SNX32: variants seen among roughly 807,000 people sequenced by gnomAD.
The protein encoded by SNX32 is sorting nexin-32.
A neutral mutation model predicts 57.0 loss-of-function variants in SNX32; 58 were observed. That is an observed-to-expected ratio of 1.02 (90% CI 0.82 to 1.27). The LOEUF (loss-of-function observed/expected upper bound fraction) is 1.27, where lower values mean the gene tolerates loss of function less well. Ranked by LOEUF, SNX32 falls within the 50% of genes most tolerant of loss-of-function variation. The pLI, the probability that SNX32 is intolerant of heterozygous loss-of-function variation, is 0.00. For synonymous variants in SNX32, 262 were observed against 220.4 expected, an observed-to-expected ratio of 1.19 and a Z score of -1.67; for missense variants, 589 against 541.2, an observed-to-expected ratio of 1.09 and a Z score of -0.88.
intron 9 of SNX32, among the ~76,000 whole-genome samples, 189 bp downstream of exon 9, chr11:65,851,868 T>A (rs371049510): frequency 2.0e-5 from 3 of 152,036 alleles, no homozygotes; most frequent in African/African-American, 7.3e-5. Context: ...GCTTCGTGTG[T>A]GTGTTGGGGG....
intron 1 of SNX32, among the ~76,000 whole-genome samples, chr11:65,842,721 G>A (rs1033999503): frequency 6.6e-6 from 1 of 151,162 alleles, no homozygotes; most frequent in African/African-American, 2.4e-5. Context: ...AGAACAAGGG[G>A]GGGTGGATCG....
intron 1 of SNX32, 129 bp downstream of exon 1, chr11:65,834,230 CTG>C: frequency 4.9e-6 from 5 of 1,018,648 alleles, no homozygotes; most frequent in Non-Finnish European, 7.3e-6. Context: ...CTGTGTGTGT[CTG>C]TGTGTGTATA....
At chr11:65,852,832 T>C (rs754281950) in intron 11 of SNX32, 41 bp from the exon 12 acceptor site, 1 of 1,613,288 alleles carries the variant, frequency 6.2e-7, no homozygotes, top group Non-Finnish European at 8.5e-7. Flanking sequence ...CCACATGCCC[T>C]GCCCTGCCCG....
intron 1 of SNX32, among the ~76,000 whole-genome samples, chr11:65,838,049 G>A (rs1194166144): frequency 7.2e-5 from 11 of 151,808 alleles, no homozygotes; most frequent in East Asian, 1.9e-4. Flanking sequence ...CCAGCTACTC[G>A]GGAGGCTGAG....
chr11:65,842,722 G>T (rs1461441137), intron 1 of SNX32, among the ~76,000 whole-genome samples: 1 of 150,994 alleles, frequency 6.6e-6, no homozygotes, highest in Non-Finnish European at 1.5e-5. Context: ...GAACAAGGGG[G>T]GGTGGATCGC....
chr11:65,850,573 C>T lies in SNX32; in HGVS notation c.498+19C>T, dbSNP rs1280672369. The T allele has an allele frequency of 5.0e-6, 8 of 1,592,260 alleles. No individual in the cohort carries two copies. Among genetic ancestry groups the T allele is most frequent in the Non-Finnish European group, 6.8e-6 (8 of 1,169,012 alleles). On this transcript the variant is annotated intron_variant, in intron 5 of 12. Coordinates refer to ENST00000308342, the MANE Select transcript of SNX32 (RefSeq NM_152760.3). Reference sequence around the variant, plus strand: ...ACAGGATGTGAGCTGGGCCGAATCCCTGGGGTCACCCTTGGGCCAGGAGTC... The same window carrying T: ...ACAGGATGTGAGCTGGGCCGAATCCTTGGGGTCACCCTTGGGCCAGGAGTC...
chr11:65,847,818 G>C (rs927072340), intron 1 of SNX32, among the ~76,000 whole-genome samples: 1 of 151,890 alleles, frequency 6.6e-6, no homozygotes, highest in Non-Finnish European at 1.5e-5. Flanking sequence ...GCTGAGGCAA[G>C]AGAATTGCTT....
chr11:65,834,036 A>C lies in SNX32; in HGVS notation c.-30A>C. ...GGACGACCTGCGGGAGCACGCGGGCAGTGGCCGGACGCTGAAGCCCAGGAG... is the reference window on the plus strand; with the variant it reads ...GGACGACCTGCGGGAGCACGCGGGCCGTGGCCGGACGCTGAAGCCCAGGAG... On this transcript the variant is annotated 5_prime_UTR_variant, in exon 1 of 13. Transcript: ENST00000308342. 1 of 1,548,950 alleles carries C rather than the reference A, an allele frequency of 6.5e-7. No individual in the cohort carries two copies. Among genetic ancestry groups the C allele is most frequent in the Non-Finnish European group, 8.7e-7 (1 of 1,145,626 alleles).
chr11:65,851,069 C>T lies in SNX32; in HGVS notation c.618C>T (p.Phe206=), dbSNP rs1859171211. The T allele has an allele frequency of 6.2e-7, 1 of 1,614,116 alleles. No individual in the cohort carries two copies. The highest frequency in any genetic ancestry group is 8.5e-7 in the Non-Finnish European group (1 of 1,179,972). ...GGCTCCCTTAGGAGGTGGATGACTT[C>T]TTTGAGCATGAGAGGACCTTCCTGT... ...GMSGLKEVDD[F]FEHERTFLLE... is the part of the protein sequence containing the mutation. The change falls in exon 7 of 13, where the codon TTC becomes TTT. Residue 206 remains phenylalanine, a synonymous_variant. Transcript: ENST00000308342.
At position 65,852,859 on chromosome 11, in the gene SNX32, C is replaced by A. The variant is rs1859256971; in HGVS notation, c.1073-14C>A. 6.2e-7 allele frequency: 1 copy of A among 1,613,946 alleles called. No individual in the cohort carries two copies. The highest frequency in any genetic ancestry group is 1.3e-5 in the African/African-American group (1 of 74,944). ...CCCTGCCCGGATCCCCATGCCTCTT[C>A]CCCTCCTCTCCAGAGCTCATGGACT... On this transcript the variant is annotated splice_polypyrimidine_tract_variant and intron_variant, in intron 11 of 12. Coordinates refer to ENST00000308342, the MANE Select transcript of SNX32 (RefSeq NM_152760.3).
intron 1 of SNX32, among the ~76,000 whole-genome samples, chr11:65,844,657 G>A (rs1858938457): frequency 6.6e-6 from 1 of 152,064 alleles, no homozygotes; most frequent in African/African-American, 2.4e-5. Flanking sequence ...ACAGAAATGG[G>A]GACTTAGGTC....
In SNX32 at chr11:65,849,546, T is replaced by C. The variant is rs780223460; in HGVS notation, c.105T>C (p.Ser35=). 3.5e-5 allele frequency: 57 copies of C among 1,613,962 alleles called. No individual in the cohort carries two copies. In the South Asian group the frequency reaches 4.7e-4, roughly 13 times the overall value. The change falls in exon 2 of 13, where the codon AGT becomes AGC. Residue 35 remains serine (S), a synonymous_variant. Transcript: ENST00000308342. ...SLQVEISDAV[S]ERDKVKFTVQ... is the part of the protein sequence containing the mutation. Reference sequence around the variant, plus strand: ...AGGTGGAGATTTCTGACGCAGTGAGTGAGCGGGACAAGGTGAAATTCACTG... The same window carrying C: ...AGGTGGAGATTTCTGACGCAGTGAGCGAGCGGGACAAGGTGAAATTCACTG...
chr11:65,842,719 G>A (rs143394573), intron 1 of SNX32, among the ~76,000 whole-genome samples: 7 of 151,544 alleles, frequency 4.6e-5, no homozygotes, highest in Middle Eastern at 3.4e-3. Context: ...GGAGAACAAG[G>A]GGGGGTGGAT....
chr11:65,841,166 G>A (rs1243558321), intron 1 of SNX32, among the ~76,000 whole-genome samples: 2 of 150,246 alleles, frequency 1.3e-5, no homozygotes, highest in East Asian at 2.0e-4. Context: ...CCTGGTCCTC[G>A]AACTCCTGAG....
chr11:65,853,384 G>A lies in SNX32; in HGVS notation c.*49G>A, dbSNP rs552154433. 16 of 1,590,118 alleles carry A rather than the reference G, an allele frequency of 1.0e-5. No individual in the cohort carries two copies. The Admixed American group carries it at 2.2e-4, about 22-fold the overall frequency. On this transcript the variant is annotated 3_prime_UTR_variant, in exon 13 of 13. Transcript: ENST00000308342. ...CTAATCTGGGATCTCCAGTGACCAGGGTATCCCAGACCCCTCTCTCCGGCA... is the reference window on the plus strand; with the variant it reads ...CTAATCTGGGATCTCCAGTGACCAGAGTATCCCAGACCCCTCTCTCCGGCA...
At chr11:65,840,091 G>A (rs995826544) in intron 1 of SNX32, among the ~76,000 whole-genome samples, 4 of 152,050 alleles carry the variant, frequency 2.6e-5, no homozygotes, top group African/African-American at 9.6e-5. Flanking sequence ...GGAGGCGGAG[G>A]TTGTGGTGAG....
At chr11:65,839,128 G>A (rs12284753) in intron 1 of SNX32, among the ~76,000 whole-genome samples, 2,483 of 148,768 alleles carry the variant, frequency 0.017, 71 homozygotes, top group African/African-American at 0.057. Context: ...AGCTCACTGC[G>A]ACTTCCGCCT....
chr11:65,841,484 T>G (rs995934257), intron 1 of SNX32, among the ~76,000 whole-genome samples: 1 of 152,172 alleles, frequency 6.6e-6, no homozygotes, highest in African/African-American at 2.4e-5. Flanking sequence ...ATGATTCTCC[T>G]GCCTCAGCCT....
intron 9 of SNX32, 110 bp downstream of exon 9, chr11:65,851,789 G>C: frequency 8.0e-7 from 1 of 1,246,908 alleles, no homozygotes; most frequent in Non-Finnish European, 1.2e-6. Context: ...TGATAACTTG[G>C]GCCCAGTGGC....
Sources: gnomAD v4.1 joint callset for allele counts (sites outside exome capture counted in the v4.1 genomes callset) on GRCh38, gnomAD v4.1.1 for gene constraint, MANE v1.5 for transcripts, NCBI Gene and HGNC (gene_info 2026-07-23, HGNC 2026-07-21) for gene names.